The following KIF1B variants were observed in gnomAD, a reference collection of about 807,000 sequenced individuals.
The protein encoded by KIF1B is kinesin-like protein KIF1B.
A neutral mutation model predicts 241.9 loss-of-function variants in KIF1B; 76 were observed. That is an observed-to-expected ratio of 0.31 (90% CI 0.26 to 0.38). The LOEUF is 0.38. Among genes scored for constraint, KIF1B ranks in the 10% least tolerant of loss-of-function variants. KIF1B has a pLI of 1.00. For synonymous variants in KIF1B, 750 were observed against 796.7 expected (o/e 0.94, Z 0.99); for missense variants, 1,622 against 2,271.4 (o/e 0.71, Z 5.81).
Position 10,307,585 on chromosome 1 carries a change from C to T in KIF1B, c.2115+10339C>T, listed in dbSNP as rs185481776. ...TTGGCCTCCCAAAGTGCTGAGATTA[C>T]AGGCGTGAGCCACCGCGCCTGGCCT... On this transcript the variant is annotated intron_variant, in intron 22 of 48. Transcript: ENST00000676179. The T allele has an allele frequency of 3.2e-4, 322 of 996,074 alleles. No homozygotes were observed. In the African/African-American group the frequency reaches 5.0e-3, roughly 16 times the overall value. 61.7% of individuals were successfully genotyped at this position (996,074 alleles called of 1,614,324 possible).
chr1:10,265,639 G>T (rs889593001), intron 5 of KIF1B, among the ~76,000 whole-genome samples: 4 of 152,110 alleles, frequency 2.6e-5, no homozygotes, highest in Admixed American at 6.5e-5. Context: ...GAGCCCAGGA[G>T]TTCAAGACCA....
At chr1:10,229,818 G>A (rs1389862342) in intron 1 of KIF1B, among the ~76,000 whole-genome samples, 2 of 132,098 alleles carry the variant, frequency 1.5e-5, no homozygotes, top group Non-Finnish European at 3.0e-5. Context: ...CCGAGATCGC[G>A]CCACTGCACT....
chr1:10,373,460 C>G (rs1002639957), intron 45 of KIF1B, among the ~76,000 whole-genome samples: 39 of 151,054 alleles, frequency 2.6e-4, no homozygotes, highest in African/African-American at 9.0e-4. Flanking sequence ...GTCTCAAACT[C>G]CTGACCTCAG....
intron 12 of KIF1B, among the ~76,000 whole-genome samples, chr1:10,276,738 T>C (rs1208773063): frequency 6.6e-6 from 1 of 151,950 alleles, no homozygotes; most frequent in East Asian, 1.9e-4. Flanking sequence ...TTCTTATTCA[T>C]TTCTATAAAA....
At chr1:10,264,531 T>G (rs74678429) in intron 5 of KIF1B, among the ~76,000 whole-genome samples, 2 of 152,370 alleles carry the variant, frequency 1.3e-5, no homozygotes, top group African/African-American at 4.8e-5. Context: ...GATTCAGTAT[T>G]GTATGTACAA....
intron 2 of KIF1B, among the ~76,000 whole-genome samples, chr1:10,244,685 T>C (rs1394411551): frequency 1.3e-5 from 2 of 149,874 alleles, no homozygotes; most frequent in African/African-American, 4.9e-5. Flanking sequence ...TGATCTCTGC[T>C]CACTGCAAGC....
chr1:10,295,828 T>A, intron 19 of KIF1B, 62 bp downstream of exon 19: 1 of 1,351,390 alleles, frequency 7.4e-7, no homozygotes. Flanking sequence ...GAGAAATCCT[T>A]AAGACTTTGT....
chr1:10,376,353 T>G (rs1638888191), intron 48 of KIF1B, among the ~76,000 whole-genome samples, 192 bp from the exon 49 acceptor site: 1 of 152,094 alleles, frequency 6.6e-6, no homozygotes, highest in Non-Finnish European at 1.5e-5. Context: ...TCTCCCAACC[T>G]CCAGCCCTGT....
At position 10,379,545 on chromosome 1, in the gene KIF1B, AGTT is replaced by A. The variant is rs1638972164; in HGVS notation, c.*2963_*2965del. The A allele has an allele frequency of 1.3e-5, 3 of 231,738 alleles. No individual in the cohort carries two copies. Among genetic ancestry groups the A allele is most frequent in the Non-Finnish European group, 2.6e-5 (3 of 117,138 alleles). The allele number at this position is 231,738 out of a possible 1,614,324, so 14.4% of individuals were successfully genotyped here. On this transcript the variant is annotated 3_prime_UTR_variant, in exon 49 of 49. Transcript: ENST00000676179. ...TGGCAGGAACTGTTTATGAGGCTCT[AGTT>A]GTTGCTGTTGTGGCGGGAAAGTTAA...
chr1:10,268,585 C>A (rs1192745423), intron 7 of KIF1B, among the ~76,000 whole-genome samples: 3 of 150,970 alleles, frequency 2.0e-5, no homozygotes, highest in Non-Finnish European at 4.4e-5. Context: ...CTTGACTGAA[C>A]CTTTTTATTA....
intron 10 of KIF1B, among the ~76,000 whole-genome samples, chr1:10,273,955 G>GTTTT (rs1648963484): frequency 9.8e-6 from 1 of 102,380 alleles, no homozygotes; most frequent in African/African-American, 4.0e-5. Context: ...TTTTTTTTTG[G>GTTTT]AGACCAGGTC....
At chr1:10,286,377 C>G (rs932989357) in intron 15 of KIF1B, among the ~76,000 whole-genome samples, 5 of 152,188 alleles carry the variant, frequency 3.3e-5, no homozygotes, top group African/African-American at 4.8e-5. Context: ...CAGCTGTAGC[C>G]ACAGCTCTCG....
At chr1:10,246,042 A>G (rs1174028831) in intron 2 of KIF1B, among the ~76,000 whole-genome samples, 1 of 152,156 alleles carries the variant, frequency 6.6e-6, no homozygotes, top group Non-Finnish European at 1.5e-5. Context: ...TGAGATGGTG[A>G]TAACTCCCAG....
intron 6 of KIF1B, 41 bp from the exon 7 acceptor site, chr1:10,268,111 A>G (rs1318031692): frequency 7.4e-7 from 1 of 1,346,000 alleles, no homozygotes; most frequent in East Asian, 2.3e-5. Flanking sequence ...ACTCTCATCT[A>G]AGAATTCCCT....
At chr1:10,349,659 AAG>A (rs1246891386) in intron 37 of KIF1B, among the ~76,000 whole-genome samples, 1 of 151,714 alleles carries the variant, frequency 6.6e-6, no homozygotes, top group African/African-American at 2.4e-5. Flanking sequence ...CATTTTGAGT[AAG>A]AGAGTCAGGA....
intron 5 of KIF1B, among the ~76,000 whole-genome samples, chr1:10,265,203 TA>T (rs1395980951): frequency 1.4e-3 from 42 of 30,370 alleles, no homozygotes; most frequent in African/African-American, 4.7e-3. Flanking sequence ...AAATGGATTT[TA>T]TTTATTTATT....
In KIF1B at chr1:10,210,959, G is replaced by T. The variant is rs1392127292; in HGVS notation, c.-80+81G>T. ...GCCGCTTCCGCGGGGAGGAGCGGCC[G>T]GGCCGGGGTCCGGGCGGGGTCTGAG... On this transcript the variant is annotated intron_variant, in intron 1 of 48. Coordinates refer to ENST00000676179, the MANE Select transcript of KIF1B (RefSeq NM_001365951.3). This position sits in a 1 kb window ranked among gnomAD's most constrained non-coding sequence, Gnocchi z 4.1. The T allele has an allele frequency of 1.3e-5, 2 of 151,948 alleles. No individual in the cohort carries two copies. The highest frequency in any genetic ancestry group is 4.1e-4 in the South Asian group (2 of 4,824). 9.4% of individuals were successfully genotyped at this position (151,948 alleles called of 1,614,324 possible).
intron 10 of KIF1B, chr1:10,274,967 G>A: frequency 5.5e-6 from 2 of 365,194 alleles, no homozygotes; most frequent in Non-Finnish European, 1.1e-5. Flanking sequence ...ATAGTATTGT[G>A]TTGATGTTTA....
intron 19 of KIF1B, among the ~76,000 whole-genome samples, chr1:10,296,200 AGTCACTC>A (rs1650254911): frequency 6.6e-6 from 1 of 152,232 alleles, no homozygotes; most frequent in Admixed American, 6.5e-5. Context: ...CTGTTATATA[AGTCACTC>A]ATTCCCTTAT....
Sources: allele counts gnomAD v4.1 joint callset (sites outside exome capture counted in the v4.1 genomes callset), GRCh38; gene constraint gnomAD v4.1.1; non-coding constraint Gnocchi (gnomAD v3.1); transcripts MANE v1.5; gene names NCBI Gene and HGNC (gene_info 2026-07-23, HGNC 2026-07-21).